FAM13C: variants seen among roughly 807,000 people sequenced by gnomAD.
FAM13C encodes the protein protein FAM13C.
A neutral mutation model predicts 73.2 loss-of-function variants in FAM13C; 37 were observed. The observed-to-expected ratio is 0.51, with a 90% CI of 0.39 to 0.67. FAM13C has a LOEUF of 0.67. Among genes scored for constraint, FAM13C ranks in the 30% least tolerant of loss-of-function variants. The pLI is 0.00. For synonymous variants in FAM13C, 246 were observed against 260.9 expected, an observed-to-expected ratio of 0.94 and a Z score of 0.55; for missense variants, 589 against 715.6, an observed-to-expected ratio of 0.82 and a Z score of 2.02.
chr10:59,335,134 T>C (rs1258906992), intron 3 of FAM13C, among the ~76,000 whole-genome samples: 1 of 152,178 alleles, frequency 6.6e-6, no homozygotes. Flanking sequence ...ATTTCCCAAC[T>C]AACAGTCATT....
At chr10:59,314,049 T>C (rs909569918) in intron 4 of FAM13C, among the ~76,000 whole-genome samples, 1 of 152,160 alleles carries the variant, frequency 6.6e-6, no homozygotes, top group Non-Finnish European at 1.5e-5. Context: ...TCTAGTTACA[T>C]TGAACATGTT....
chr10:59,283,590 C>A, intron 5 of FAM13C, 143 bp from the exon 6 acceptor site: 2 of 778,858 alleles, frequency 2.6e-6, no homozygotes, highest in South Asian at 2.8e-5. Context: ...CCGCAAGCAC[C>A]TTCCTCCACT....
intron 3 of FAM13C, among the ~76,000 whole-genome samples, chr10:59,344,356 G>C (rs1468996129): frequency 6.7e-6 from 1 of 148,886 alleles, no homozygotes; most frequent in Non-Finnish European, 1.5e-5. Flanking sequence ...TCGGCTCACT[G>C]CAAGTTCCGC....
chr10:59,301,625 G>C (rs1847613274), intron 5 of FAM13C, among the ~76,000 whole-genome samples: 1 of 152,178 alleles, frequency 6.6e-6, no homozygotes, highest in Admixed American at 6.5e-5. Context: ...AGTCACTTAT[G>C]TCAAAACAAA....
chr10:59,270,169 GT>G (rs1843550376), intron 6 of FAM13C, 60 bp from the exon 7 acceptor site: 37 of 1,500,944 alleles, frequency 2.5e-5, no homozygotes, highest in Non-Finnish European at 3.4e-5. Context: ...AGACTGTCAT[GT>G]TCCTAAATAA....
chr10:59,301,657 C>G (rs1847617682), intron 5 of FAM13C, among the ~76,000 whole-genome samples: 1 of 152,220 alleles, frequency 6.6e-6, no homozygotes, highest in South Asian at 2.1e-4. Flanking sequence ...TTACAACTAG[C>G]ATTTTGCTTG....
chr10:59,354,716 A>G (rs1398267098), intron 2 of FAM13C, among the ~76,000 whole-genome samples: 2 of 152,136 alleles, frequency 1.3e-5, no homozygotes, highest in East Asian at 1.9e-4. Flanking sequence ...AAGGAGAGAG[A>G]GAGAGTTCTT....
At chr10:59,291,992 A>T (rs539792790) in intron 5 of FAM13C, among the ~76,000 whole-genome samples, 1 of 151,848 alleles carries the variant, frequency 6.6e-6, no homozygotes, top group Non-Finnish European at 1.5e-5. Context: ...GTTTCACCAT[A>T]TTAGCCAGGA....
chr10:59,304,818 G>GGGAAGGGAAGGGAAGGGAA (rs1564554063), intron 4 of FAM13C, among the ~76,000 whole-genome samples: 4 of 66,628 alleles, frequency 6.0e-5, no homozygotes, highest in Non-Finnish European at 6.8e-5. Context: ...GGGAAGGAAA[G>GGGAAGGGAAGGGAAGGGAA]GGGAAGGGGA....
At chr10:59,283,322 T>C (rs910287326) in intron 6 of FAM13C, 41 bp downstream of exon 6, 3 of 1,592,000 alleles carry the variant, frequency 1.9e-6, no homozygotes, top group Non-Finnish European at 2.6e-6. Flanking sequence ...TGAACTACCT[T>C]GAGAGTACAA....
chr10:59,320,563 G>A (rs1367243436), intron 4 of FAM13C, among the ~76,000 whole-genome samples: 1 of 152,188 alleles, frequency 6.6e-6, no homozygotes, highest in Non-Finnish European at 1.5e-5. Flanking sequence ...GGGTTTAATT[G>A]AGCAAAGAAC....
rs139592814 is a variant in FAM13C, at chr10:59,354,844, T to C, written c.119+1043A>G. ...TTCACATCTTATCTTACCTCTTACT[T>C]CCTCACTCCACCAGGTTCCCAGGGT... On this transcript the variant is annotated intron_variant, in intron 2 of 13. Transcript: ENST00000618804. Among the ~76,000 whole-genome samples, 688 of 152,004 alleles carry C rather than the reference T, an allele frequency of 4.5e-3. 9 individuals are homozygous for C. Among genetic ancestry groups the C allele is most frequent in the African/African-American group, 0.016 (661 of 41,492 alleles).
chr10:59,268,524 G>A (rs768803851), intron 8 of FAM13C, 29 bp downstream of exon 8: 14 of 1,611,720 alleles, frequency 8.7e-6, no homozygotes, highest in East Asian at 6.7e-5. Context: ...TGACCAATCC[G>A]CTCCTATGTC....
chr10:59,265,061 G>A (rs577980520), intron 8 of FAM13C, among the ~76,000 whole-genome samples: 86 of 152,058 alleles, frequency 5.7e-4, no homozygotes, highest in African/African-American at 2.0e-3. Flanking sequence ...TTGTTGGTGA[G>A]AGGGAGGCAC....
At chr10:59,305,534 C>T (rs963424158) in intron 4 of FAM13C, among the ~76,000 whole-genome samples, 1 of 152,162 alleles carries the variant, frequency 6.6e-6, no homozygotes, top group Non-Finnish European at 1.5e-5. Flanking sequence ...CATATATGTC[C>T]TCTAAATGGG....
chr10:59,294,090 A>T (rs2133802520), intron 5 of FAM13C, among the ~76,000 whole-genome samples: 1 of 152,320 alleles, frequency 6.6e-6, no homozygotes, highest in South Asian at 2.1e-4. Context: ...TTTTAAGAAC[A>T]ATTTCTAAGT....
chr10:59,267,679 C>T (rs1340872486), intron 8 of FAM13C, among the ~76,000 whole-genome samples: 1 of 152,146 alleles, frequency 6.6e-6, no homozygotes, highest in African/African-American at 2.4e-5. Flanking sequence ...CACCTCCCTC[C>T]CCAGTACTTA....
chr10:59,341,696 A>G (rs1298470172), intron 3 of FAM13C, among the ~76,000 whole-genome samples: 1 of 152,170 alleles, frequency 6.6e-6, no homozygotes, highest in Non-Finnish European at 1.5e-5. Flanking sequence ...CCTTCTCGAA[A>G]AAAGGAAAAA....
chr10:59,329,729 AACAG>A (rs1851715319), intron 3 of FAM13C, among the ~76,000 whole-genome samples: 1 of 152,144 alleles, frequency 6.6e-6, no homozygotes, highest in African/African-American at 2.4e-5. Context: ...TCTAGTAGAA[AACAG>A]ACATTCAATT....
Sources: allele counts gnomAD v4.1 joint callset (sites outside exome capture counted in the v4.1 genomes callset), GRCh38; gene constraint gnomAD v4.1.1; transcripts MANE v1.5; gene names NCBI Gene and HGNC (gene_info 2026-07-23, HGNC 2026-07-21).